Variants in TEX15 observed in about 807,000 individuals in gnomAD.
The protein encoded by TEX15 is testis expressed 15, meiosis and synapsis associated.
In TEX15, 171 loss-of-function variants were observed where a neutral mutation model predicts 237.3. That is an observed-to-expected ratio of 0.72 (90% CI 0.64 to 0.82). The LOEUF is 0.82. Among genes scored for constraint, TEX15 ranks in the 40% least tolerant of loss-of-function variants. The pLI is 0.00. For missense variants in TEX15, 3,750 were observed against 3,646.5 expected (o/e 1.03, Z -0.73); for synonymous variants, 1,338 against 1,269.8 (o/e 1.05, Z -1.14).
At position 30,842,901 on chromosome 8, in the gene TEX15, A is replaced by G. The variant is rs779608077; in HGVS notation, c.7266T>C (p.Asn2422=). Residue 2422 remains asparagine, a synonymous_variant, in exon 8 of 11, where the codon AAT becomes AAC. Coordinates refer to ENST00000643185, the MANE Select transcript of TEX15 (RefSeq NM_001350162.2). ...TGTGGTTTATCACCACGTCTAAAAC[A>G]TTTTCTTCTGTGATAAAAATATTAT... ...NMDNIFITEE[N]VLDVVINHSH... 184 of 1,609,302 alleles carry G rather than the reference A, an allele frequency of 1.1e-4. 1 individual carries two copies. In the South Asian group the frequency reaches 1.1e-3, roughly 10 times the overall value.
At position 30,844,430 on chromosome 8, in the gene TEX15, T is replaced by C. The variant is rs758525524; in HGVS notation, c.5737A>G (p.Asn1913Asp). ...TTGTTAAGCGGATTAGAAACTGTGT[T>C]CTTCAAAGGGACTGACTCAGTGGTA... Reference protein sequence around the residue: ...NTTTESVPLKNTVSNPLNKRE... With the variant: ...NTTTESVPLKDTVSNPLNKRE... The change falls in exon 8 of 11, where the codon AAC becomes GAC. Residue 1913 changes from asparagine to aspartate, a missense_variant. Asn to Asp is a conservative substitution (Grantham distance 23). Coordinates refer to ENST00000643185, the MANE Select transcript of TEX15 (RefSeq NM_001350162.2). 1 of 1,612,280 alleles carries C rather than the reference T, an allele frequency of 6.2e-7. No homozygotes were observed. The highest frequency in any genetic ancestry group is 1.1e-5 in the South Asian group (1 of 90,682).
chr8:30,911,535 G>A lies in TEX15; in HGVS notation c.-86+1344C>T, dbSNP rs143370542. Among the ~76,000 whole-genome samples, 285 of 152,260 alleles carry A rather than the reference G, an allele frequency of 1.9e-3. 2 individuals carry two copies. The highest frequency in any genetic ancestry group is 6.6e-3 in the African/African-American group (274 of 41,550). On this transcript the variant is annotated intron_variant, in intron 1 of 10. Coordinates refer to ENST00000643185, the MANE Select transcript of TEX15 (RefSeq NM_001350162.2). The stretch of plus-strand genomic sequence containing the variant: ...TTCAAAAATAAAAAAAGCGAATAAT[G>A]GTATCACTTCTACTTCATACTTTGA...
At chr8:30,851,497 G>A (rs1807782657) in intron 7 of TEX15, among the ~76,000 whole-genome samples, 1 of 150,924 alleles carries the variant, frequency 6.6e-6, no homozygotes, top group Non-Finnish European at 1.5e-5. Flanking sequence ...CAGACGTGGT[G>A]GTGTGTGCCT....
At chr8:30,833,729 G>A (rs937608849) in intron 10 of TEX15, among the ~76,000 whole-genome samples, 6 of 152,172 alleles carry the variant, frequency 3.9e-5, no homozygotes, top group African/African-American at 1.4e-4. Flanking sequence ...TGTGAGAGGT[G>A]ATTTCTGTGG....
At chr8:30,889,430 A>C (rs10106877) in intron 2 of TEX15, among the ~76,000 whole-genome samples, 70,132 of 151,922 alleles carry the variant, frequency 0.46, 21,203 homozygotes, top group African/African-American at 0.86. Context: ...CCAGCCTGGG[A>C]AACAGTATGA....
intron 4 of TEX15, among the ~76,000 whole-genome samples, chr8:30,867,929 C>T (rs566448988): frequency 1.3e-5 from 2 of 152,048 alleles, no homozygotes; most frequent in Admixed American, 6.6e-5. Context: ...GAATTATACA[C>T]GCCAATTCTT....
chr8:30,858,046 TA>T (rs911175219), intron 7 of TEX15, among the ~76,000 whole-genome samples: 9 of 151,966 alleles, frequency 5.9e-5, no homozygotes, highest in Non-Finnish European at 7.3e-5. Context: ...TATGAATATT[TA>T]AAATAGCAAT....
rs1410096155 is a variant in TEX15 at position 30,842,698 on chromosome 8, T to G, written c.7469A>C (p.Glu2490Ala). Residue 2490 changes from glutamate to alanine, a missense_variant, in exon 8 of 11, where the codon GAA (glutamate) becomes GCA (alanine). Transcript: ENST00000643185. Reference sequence around the variant, plus strand: ...AAGAAATGAAAAAGAAGCCATTTTTTCTTGGCACTGAACCAGCTCAGGAAG... The same window carrying G: ...AAGAAATGAAAAAGAAGCCATTTTTGCTTGGCACTGAACCAGCTCAGGAAG... ...SLLPELVQCQ[E>A]KMASFSFLKD... 1.2e-6 allele frequency: 2 copies of G among 1,613,280 alleles called. No individual in the cohort carries two copies. The highest frequency in any genetic ancestry group is 1.1e-5 in the South Asian group (1 of 91,058).
At chr8:30,853,095 C>T (rs1449940593) in intron 7 of TEX15, among the ~76,000 whole-genome samples, 3 of 152,048 alleles carry the variant, frequency 2.0e-5, no homozygotes, top group African/African-American at 7.2e-5. Flanking sequence ...AGTTAATCAC[C>T]CTGAAAGGCA....
At chr8:30,853,691 C>T (rs745886055) in intron 7 of TEX15, among the ~76,000 whole-genome samples, 2 of 152,130 alleles carry the variant, frequency 1.3e-5, no homozygotes. Context: ...TCCTCCCTGA[C>T]AGATACTGGA....
chr8:30,866,563 T>C (rs1159867446), intron 5 of TEX15, among the ~76,000 whole-genome samples: 1 of 152,136 alleles, frequency 6.6e-6, no homozygotes, highest in East Asian at 1.9e-4. Flanking sequence ...TTAAACATGA[T>C]TGCATAAGCA....
intron 5 of TEX15, among the ~76,000 whole-genome samples, chr8:30,863,030 G>A (rs899086649): frequency 7.9e-5 from 12 of 152,094 alleles, no homozygotes; most frequent in African/African-American, 2.9e-4. Flanking sequence ...AACTATTTTG[G>A]ATCTCTGGAA....
At chr8:30,879,675 G>C (rs1405601957) in intron 3 of TEX15, among the ~76,000 whole-genome samples, 1 of 152,168 alleles carries the variant, frequency 6.6e-6, no homozygotes, top group Non-Finnish European at 1.5e-5. Context: ...TCTTACTACA[G>C]CTATATGCTA....
intron 1 of TEX15, among the ~76,000 whole-genome samples, chr8:30,912,314 C>A (rs1490346970): frequency 2.9e-5 from 4 of 139,980 alleles, no homozygotes; most frequent in Non-Finnish European, 4.7e-5. Context: ...TCCCGAGTTG[C>A]GGTCCCGGGG....
intron 1 of TEX15, among the ~76,000 whole-genome samples, chr8:30,907,350 T>C (rs1291864305): frequency 6.6e-6 from 1 of 151,850 alleles, no homozygotes; most frequent in Non-Finnish European, 1.5e-5. Flanking sequence ...TCTGCACGCT[T>C]GAACTCCTGG....
At chr8:30,911,871 G>A (rs1274110278) in intron 1 of TEX15, among the ~76,000 whole-genome samples, 2 of 152,166 alleles carry the variant, frequency 1.3e-5, no homozygotes, top group South Asian at 2.1e-4. Context: ...GGCTTGGGAC[G>A]CGGCTCACAC....
chr8:30,902,089 TG>T (rs1176143005), intron 1 of TEX15, among the ~76,000 whole-genome samples: 1 of 152,170 alleles, frequency 6.6e-6, no homozygotes, highest in African/African-American at 2.4e-5. Flanking sequence ...ATCTAGAGGC[TG>T]GGCCCGGAAA....
intron 3 of TEX15, among the ~76,000 whole-genome samples, chr8:30,880,157 T>C (rs1424982504): frequency 6.6e-6 from 1 of 152,026 alleles, no homozygotes; most frequent in Admixed American, 6.6e-5. Context: ...CCCTCCCAAG[T>C]AGCTGGGATT....
chr8:30,842,979 A>T lies in TEX15; in HGVS notation c.7188T>A (p.Asp2396Glu). 1 of 1,612,862 alleles carries T rather than the reference A, an allele frequency of 6.2e-7. No individual in the cohort carries two copies. Residue 2396 changes from aspartate (D) to glutamate (E), a missense_variant, in exon 8 of 11, where the codon GAT (aspartate) becomes GAA (glutamate). Coordinates refer to ENST00000643185, the MANE Select transcript of TEX15 (RefSeq NM_001350162.2). ...KLQDLTLRCTDHLEILKKYFQ... is the reference protein window; with the variant it reads ...KLQDLTLRCTEHLEILKKYFQ... Reference sequence around the variant, plus strand: ...AGTATTTTTTTAAAATTTCTAAGTGATCTGTACATCTCAAGGTGAGATCCT... The same window carrying T: ...AGTATTTTTTTAAAATTTCTAAGTGTTCTGTACATCTCAAGGTGAGATCCT...
Sources: allele counts gnomAD v4.1 joint callset (sites outside exome capture counted in the v4.1 genomes callset), GRCh38; gene constraint gnomAD v4.1.1; transcripts MANE v1.5; gene names NCBI Gene and HGNC (gene_info 2026-07-23, HGNC 2026-07-21).